The following SPEF2 variants were observed in gnomAD, a reference collection of about 807,000 sequenced individuals.
SPEF2 encodes sperm flagellar and cilia associated 2, also known as sperm flagella and cilia-associated protein 2.
Under a neutral mutation model 224.6 loss-of-function variants are expected in SPEF2, and 187 were observed. That is an observed-to-expected ratio of 0.83 (90% CI 0.74 to 0.94). The LOEUF is 0.94. Ranked by LOEUF, SPEF2 falls within the 40% of genes least tolerant of loss-of-function variation. SPEF2 has a pLI of 0.00. For synonymous variants in SPEF2, 715 were observed against 707.3 expected, an observed-to-expected ratio of 1.01 and a Z score of -0.17; for missense variants, 2,170 against 2,135.6, an observed-to-expected ratio of 1.02 and a Z score of -0.32.
At chr5:35,682,410 T>G (rs1270766591) in intron 10 of SPEF2, among the ~76,000 whole-genome samples, 1 of 151,330 alleles carries the variant, frequency 6.6e-6, no homozygotes, top group Non-Finnish European at 1.5e-5. Context: ...AGTGTAAGTG[T>G]TGTATCCCCT....
chr5:35,713,748 T>TATA (rs398072486), intron 20 of SPEF2, among the ~76,000 whole-genome samples: 1 of 126,054 alleles, frequency 7.9e-6, no homozygotes, highest in Non-Finnish European at 1.6e-5. Context: ...TATATATATA[T>TATA]TTTATATATA....
rs1316710414 is a variant in SPEF2 at position 35,667,136 on chromosome 5, A to T, written c.1232A>T (p.Asp411Val). 3 of 1,611,416 alleles carry T rather than the reference A, an allele frequency of 1.9e-6. No homozygotes were observed. Among genetic ancestry groups the T allele is most frequent in the East Asian group, 4.5e-5 (2 of 44,778 alleles). Residue 411 changes from aspartate (D) to valine (V), a missense_variant, in exon 9 of 37, where the codon GAT becomes GTT. By Grantham distance (152) the Asp-to-Val change is radical. Coordinates refer to ENST00000356031, the MANE Select transcript of SPEF2 (RefSeq NM_024867.4). ...TTCCTTAAAGAAAAGAGATTTCATG[A>T]TCAGATTGCTGTGGAAAGAGCTCAA... is the stretch of plus-strand genomic sequence containing the variant. ...EQFLKEKRFH[D>V]QIAVERAQAR...
At chr5:35,742,099 C>A (rs7702529) in intron 23 of SPEF2, among the ~76,000 whole-genome samples, 2 of 152,080 alleles carry the variant, frequency 1.3e-5, no homozygotes, top group South Asian at 4.2e-4. Context: ...TTGTAACATT[C>A]TTTTTAAGTC....
At chr5:35,742,862 G>A (rs1489043111) in intron 23 of SPEF2, among the ~76,000 whole-genome samples, 1 of 151,614 alleles carries the variant, frequency 6.6e-6, no homozygotes, top group Non-Finnish European at 1.5e-5. Flanking sequence ...TGATAAATAA[G>A]GAAATTTCCT....
chr5:35,702,262 G>A, intron 16 of SPEF2: 1 of 456,180 alleles, frequency 2.2e-6, no homozygotes, highest in Non-Finnish European at 4.4e-6. Context: ...TCTTCACAGA[G>A]AAACACACTA....
chr5:35,789,733 T>G (rs1338877104), intron 30 of SPEF2: 1 of 681,526 alleles, frequency 1.5e-6, no homozygotes, highest in Admixed American at 2.2e-5. Flanking sequence ...ACTTTGAACC[T>G]ATTATTCTCC....
chr5:35,625,391 G>A (rs1014491567), intron 1 of SPEF2, among the ~76,000 whole-genome samples: 2 of 152,140 alleles, frequency 1.3e-5, no homozygotes, highest in Non-Finnish European at 2.9e-5. Flanking sequence ...CAGACCGTTT[G>A]TCAGCCACAC....
At chr5:35,807,735 C>T (rs1321860744) in intron 36 of SPEF2, 1 of 1,535,882 alleles carries the variant, frequency 6.5e-7, no homozygotes, top group Non-Finnish European at 8.7e-7. Flanking sequence ...AAACTAAGGA[C>T]AAACCCCAGA....
intron 19 of SPEF2, chr5:35,709,693 T>G: frequency 1.0e-6 from 1 of 985,380 alleles, no homozygotes; most frequent in African/African-American, 1.7e-5. Context: ...ACTTTTAGTT[T>G]AAGTTTGTTC....
intron 4 of SPEF2, among the ~76,000 whole-genome samples, chr5:35,644,957 T>G (rs1209362458): frequency 2.0e-5 from 3 of 152,232 alleles, no homozygotes; most frequent in African/African-American, 7.2e-5. Flanking sequence ...TTCTCTGTTC[T>G]TGGAGATGTG....
At chr5:35,642,719 A>T (rs1746774943) in intron 3 of SPEF2, among the ~76,000 whole-genome samples, 1 of 152,188 alleles carries the variant, frequency 6.6e-6, no homozygotes, top group Non-Finnish European at 1.5e-5. Flanking sequence ...TGAGTGCTGC[A>T]CTGATGCAAA....
At chr5:35,714,311 C>T (rs913022780) in intron 20 of SPEF2, among the ~76,000 whole-genome samples, 2 of 151,294 alleles carry the variant, frequency 1.3e-5, no homozygotes, top group African/African-American at 4.9e-5. Flanking sequence ...ACTTTCCCCA[C>T]CCCCAACCCC....
At chr5:35,778,486 T>C (rs531901565) in intron 29 of SPEF2, among the ~76,000 whole-genome samples, 2 of 152,310 alleles carry the variant, frequency 1.3e-5, no homozygotes, top group East Asian at 1.9e-4. Flanking sequence ...CGCATCATAG[T>C]GGTTCCCAGC....
intron 36 of SPEF2, chr5:35,807,851 G>A (rs1314990338): frequency 8.5e-5 from 128 of 1,509,694 alleles, no homozygotes; most frequent in Non-Finnish European, 1.1e-4. Flanking sequence ...CCACTATGGC[G>A]AGTCCCAGGC....
chr5:35,678,184 A>G (rs1486195903), intron 10 of SPEF2, among the ~76,000 whole-genome samples: 1 of 152,260 alleles, frequency 6.6e-6, no homozygotes, highest in Non-Finnish European at 1.5e-5. Context: ...ATTAGGGCAG[A>G]CTGAGGAAGG....
At chr5:35,732,937 C>A (rs1306561027) in intron 21 of SPEF2, among the ~76,000 whole-genome samples, 1 of 151,948 alleles carries the variant, frequency 6.6e-6, no homozygotes, top group East Asian at 1.9e-4. Context: ...TTTTACTGTG[C>A]CTGATTATGA....
At chr5:35,650,940 G>C (rs139301130) in intron 6 of SPEF2, among the ~76,000 whole-genome samples, 5 of 152,160 alleles carry the variant, frequency 3.3e-5, no homozygotes, top group Non-Finnish European at 5.9e-5. Context: ...TAGCTCCAGG[G>C]TTATCAAGGA....
At chr5:35,647,796 G>T (rs1747611546) in intron 5 of SPEF2, among the ~76,000 whole-genome samples, 1 of 152,154 alleles carries the variant, frequency 6.6e-6, no homozygotes, top group African/African-American at 2.4e-5. Context: ...GGAATGTTAA[G>T]TGACTTGTTG....
At chr5:35,722,210 G>A (rs1490332015) in intron 20 of SPEF2, among the ~76,000 whole-genome samples, 2 of 152,164 alleles carry the variant, frequency 1.3e-5, no homozygotes, top group Admixed American at 6.5e-5. Context: ...CCCTTTGGCT[G>A]GGGAAGGGGA....
Sources: allele counts gnomAD v4.1 joint callset (sites outside exome capture counted in the v4.1 genomes callset), GRCh38; gene constraint gnomAD v4.1.1; transcripts MANE v1.5; gene names NCBI Gene and HGNC (gene_info 2026-07-23, HGNC 2026-07-21).